PCNX2: variants seen among roughly 807,000 people sequenced by gnomAD.
PCNX2 encodes pecanex 2.
A neutral mutation model predicts 223.8 loss-of-function variants in PCNX2; 168 were observed. That is an observed-to-expected ratio of 0.75 (90% CI 0.66 to 0.85). PCNX2 has a LOEUF of 0.85. Among genes scored for constraint, PCNX2 ranks in the 40% least tolerant of loss-of-function variants. The probability of loss-of-function intolerance (pLI) is 0.00; values close to 1 mark genes in which losing one functional copy is unlikely to be tolerated. For missense variants in PCNX2, 2,507 were observed against 2,675.5 expected, an observed-to-expected ratio of 0.94 and a Z score of 1.39; for synonymous variants, 1,006 against 1,052.6, an observed-to-expected ratio of 0.96 and a Z score of 0.86.
At chr1:233,081,650 T>C (rs572586008) in intron 23 of PCNX2, among the ~76,000 whole-genome samples, 1 of 152,336 alleles carries the variant, frequency 6.6e-6, no homozygotes, top group South Asian at 2.1e-4. Context: ...AGGGACTCCA[T>C]TCTTTTGAGC....
chr1:233,134,651 G>A (rs1676705564), intron 21 of PCNX2: 3 of 276,884 alleles, frequency 1.1e-5, no homozygotes, highest in African/African-American at 6.6e-5. Flanking sequence ...GACAGGGAGG[G>A]AGAGACGGAG....
chr1:233,210,918 T>C (rs1182085954), intron 12 of PCNX2, among the ~76,000 whole-genome samples: 2 of 152,202 alleles, frequency 1.3e-5, no homozygotes, highest in Admixed American at 1.3e-4. Flanking sequence ...ATAAGCCGTC[T>C]CATCACCCAA....
chr1:233,279,043 G>A (rs998874562), intron 1 of PCNX2, among the ~76,000 whole-genome samples: 16 of 152,004 alleles, frequency 1.1e-4, no homozygotes, highest in South Asian at 4.1e-4. Context: ...GGAATAAACC[G>A]TTTTTTCCAA....
chr1:233,257,001 C>T (rs1232363775), intron 5 of PCNX2, among the ~76,000 whole-genome samples: 4 of 152,142 alleles, frequency 2.6e-5, no homozygotes, highest in Non-Finnish European at 5.9e-5. Context: ...CAGATGCTAT[C>T]TCAATACAGA....
intron 32 of PCNX2, among the ~76,000 whole-genome samples, chr1:232,994,780 G>A (rs1433305849): frequency 6.6e-6 from 1 of 152,134 alleles, no homozygotes; most frequent in African/African-American, 2.4e-5. Flanking sequence ...ATGAGAGCTG[G>A]TGGTTTTAAA....
At chr1:233,318,563 C>CTTTTTTTTTTTTTTTTTTTTT in the PCNX2 span, among the ~76,000 whole-genome samples, 8 of 92,514 alleles carry the variant, frequency 8.6e-5, no homozygotes, top group African/African-American at 1.2e-4. Flanking sequence ...TTTTCTTTTT[C>CTTTTTTTTTTTTTTTTTTTTT]TTTTTTTTTT....
At chr1:233,250,676 C>G (rs1659397503) in intron 8 of PCNX2, 63 bp downstream of exon 8, 1 of 1,502,328 alleles carries the variant, frequency 6.7e-7, no homozygotes, top group East Asian at 2.5e-5. Flanking sequence ...CTCACTTTAT[C>G]TTCATCGCTG....
chr1:233,240,539 C>A (rs1658700809), intron 8 of PCNX2, among the ~76,000 whole-genome samples: 1 of 152,190 alleles, frequency 6.6e-6, no homozygotes. Context: ...AACTACAGTA[C>A]ACGATACTTA....
chr1:233,178,370 T>C (rs1679605425), intron 16 of PCNX2, among the ~76,000 whole-genome samples: 1 of 152,214 alleles, frequency 6.6e-6, no homozygotes, highest in Admixed American at 6.5e-5. Context: ...TAAATCAAAA[T>C]CTTTCATAAA....
At chr1:233,120,027 C>T (rs1368721772) in intron 21 of PCNX2, among the ~76,000 whole-genome samples, 5 of 151,268 alleles carry the variant, frequency 3.3e-5, no homozygotes, top group African/African-American at 7.3e-5. Context: ...ATTAGCCAGG[C>T]GTGGTTGCAC....
chr1:233,259,831 A>T, intron 4 of PCNX2: 3 of 896,106 alleles, frequency 3.3e-6, no homozygotes, highest in Non-Finnish European at 4.0e-6. Flanking sequence ...TATTTTTTAA[A>T]ATAACACTCC....
chr1:233,281,102 G>A (rs904147057), intron 1 of PCNX2, among the ~76,000 whole-genome samples: 3 of 152,164 alleles, frequency 2.0e-5, no homozygotes, highest in Non-Finnish European at 2.9e-5. Flanking sequence ...GTACACAGTC[G>A]GAGGGGTTGA....
upstream of PCNX2, among the ~76,000 whole-genome samples, chr1:233,297,138 T>C (rs1662166376): frequency 6.6e-6 from 1 of 152,218 alleles, no homozygotes. Flanking sequence ...TTTAATGGGT[T>C]AATCAACCAA....
intron 17 of PCNX2, among the ~76,000 whole-genome samples, chr1:233,169,515 C>T (rs191148734): frequency 1.3e-5 from 2 of 151,138 alleles, no homozygotes; most frequent in East Asian, 2.0e-4. Context: ...CATGGTGGCG[C>T]GCGCCTGTAG....
chr1:233,121,706 T>C (rs1260593352), intron 21 of PCNX2, among the ~76,000 whole-genome samples: 2 of 152,156 alleles, frequency 1.3e-5, no homozygotes, highest in African/African-American at 4.8e-5. Context: ...ACTATTGGAA[T>C]GGAAAGTTAC....
intron 1 of PCNX2, among the ~76,000 whole-genome samples, chr1:233,285,946 C>G (rs2103024200): frequency 6.6e-6 from 1 of 152,258 alleles, no homozygotes; most frequent in East Asian, 1.9e-4. Flanking sequence ...AGAGGGACAA[C>G]AGGGCTATGT....
chr1:233,055,675 G>T (rs1431308179), intron 24 of PCNX2, among the ~76,000 whole-genome samples: 2 of 152,110 alleles, frequency 1.3e-5, no homozygotes, highest in Non-Finnish European at 2.9e-5. Flanking sequence ...CTTTGGGAGA[G>T]GAAATTATGG....
intron 1 of PCNX2, among the ~76,000 whole-genome samples, chr1:233,275,105 G>A (rs12132010): frequency 0.099 from 15,069 of 152,210 alleles, 898 homozygotes; most frequent in South Asian, 0.19. Flanking sequence ...AATGCAGATA[G>A]AAACTATTCC....
chr1:233,065,238 T>C (rs1672552538), intron 23 of PCNX2, among the ~76,000 whole-genome samples: 1 of 152,198 alleles, frequency 6.6e-6, no homozygotes, highest in Admixed American at 6.5e-5. Flanking sequence ...AACATACATG[T>C]GTGCTCACAG....
Sources: gnomAD v4.1 joint callset for allele counts (sites outside exome capture counted in the v4.1 genomes callset) on GRCh38, gnomAD v4.1.1 for gene constraint, MANE v1.5 for transcripts, NCBI Gene and HGNC (gene_info 2026-07-23, HGNC 2026-07-21) for gene names.